Variants in CCDC91 observed in about 807,000 individuals in gnomAD.
CCDC91 encodes the protein coiled-coil domain-containing protein 91.
Under a neutral mutation model 63.2 loss-of-function variants are expected in CCDC91, and 48 were observed. That is an observed-to-expected ratio of 0.76 (90% CI 0.60 to 0.97). The LOEUF (loss-of-function observed/expected upper bound fraction) is 0.97, where lower values mean the gene tolerates loss of function less well. Ranked by LOEUF, CCDC91 falls within the 50% of genes least tolerant of loss-of-function variation. The pLI, the probability that CCDC91 is intolerant of heterozygous loss-of-function variation, is 0.00. For synonymous variants in CCDC91, 167 were observed against 165.8 expected, an observed-to-expected ratio of 1.01 and a Z score of -0.06; for missense variants, 500 against 494.6, an observed-to-expected ratio of 1.01 and a Z score of -0.10.
intron 7 of CCDC91, among the ~76,000 whole-genome samples, chr12:28,386,703 G>C (rs1217572384): frequency 7.2e-5 from 11 of 152,156 alleles, no homozygotes; most frequent in Admixed American, 7.2e-4. Flanking sequence ...TTTTCCTCAA[G>C]TTTAGTGAAT....
chr12:28,520,118 T>C (rs193119910), intron 12 of CCDC91, among the ~76,000 whole-genome samples: 1 of 151,638 alleles, frequency 6.6e-6, no homozygotes, highest in Non-Finnish European at 1.5e-5. Context: ...AAATGGTATT[T>C]AGTTCTAGAT....
intron 8 of CCDC91, among the ~76,000 whole-genome samples, chr12:28,419,947 G>A (rs1258546777): frequency 6.6e-6 from 1 of 151,790 alleles, no homozygotes; most frequent in African/African-American, 2.4e-5. Context: ...TGTAGCTATG[G>A]GTTCCTACTG....
At chr12:28,286,194 A>G (rs921197120) in intron 3 of CCDC91, among the ~76,000 whole-genome samples, 1 of 152,102 alleles carries the variant, frequency 6.6e-6, no homozygotes, top group Non-Finnish European at 1.5e-5. Context: ...CTTCATAGAC[A>G]TTAAAATAAA....
intron 7 of CCDC91, among the ~76,000 whole-genome samples, chr12:28,382,522 CTCT>C (rs1220891952): frequency 2.0e-5 from 3 of 152,010 alleles, no homozygotes; most frequent in East Asian, 1.9e-4. Flanking sequence ...AGAGAAGAAA[CTCT>C]TCTTCTCCTC....
chr12:28,449,393 A>G (rs1015347699), intron 8 of CCDC91, among the ~76,000 whole-genome samples: 3 of 152,070 alleles, frequency 2.0e-5, no homozygotes, highest in Non-Finnish European at 4.4e-5. Flanking sequence ...GTAGCAATAC[A>G]TATTTTTTAG....
intron 12 of CCDC91, among the ~76,000 whole-genome samples, chr12:28,487,499 A>G (rs750869154): frequency 9.9e-5 from 15 of 151,896 alleles, no homozygotes; most frequent in Non-Finnish European, 2.1e-4. Flanking sequence ...AGGAAAAACA[A>G]AAGTTTTTTA....
rs148910206 is a variant in CCDC91, at chr12:28,334,040, A to ATGTG, written c.576+26309_576+26312dup. Reference sequence around the variant, plus strand: ...ATTGAAACGACTTCTGGCAGAATTTATGTGTGTGTGTGTGTGTGTGTATGT... The same window carrying ATGTG: ...ATTGAAACGACTTCTGGCAGAATTTATGTGTGTGTGTGTGTGTGTGTGTGTATGT... On this transcript the variant is annotated intron_variant, in intron 6 of 12. Coordinates refer to ENST00000536442, the MANE Select transcript of CCDC91 (RefSeq NM_018318.5). 1.8e-4 allele frequency among the ~76,000 whole-genome samples: 27 copies of ATGTG among 148,518 alleles called. No homozygotes were observed. The South Asian group carries it at 2.6e-3, about 14-fold the overall frequency.
chr12:28,206,429 T>C (rs1310822551), intron 1 of CCDC91, among the ~76,000 whole-genome samples: 1 of 152,198 alleles, frequency 6.6e-6, no homozygotes, highest in Non-Finnish European at 1.5e-5. Flanking sequence ...ATTCTAGAGA[T>C]GGCTGCATGC....
intron 12 of CCDC91, among the ~76,000 whole-genome samples, chr12:28,536,616 A>T (rs1230382983): frequency 1.3e-5 from 2 of 152,196 alleles, no homozygotes; most frequent in African/African-American, 4.8e-5. Context: ...TGGAGATAAA[A>T]TACTGCCTAC....
intron 1 of CCDC91, among the ~76,000 whole-genome samples, chr12:28,241,162 A>C (rs1945307878): frequency 6.6e-6 from 1 of 151,946 alleles, no homozygotes; most frequent in African/African-American, 2.4e-5. Flanking sequence ...ACATCTTTTT[A>C]TTTGCTTAGT....
At chr12:28,510,470 G>A (rs1421196337) in intron 12 of CCDC91, among the ~76,000 whole-genome samples, 2 of 151,888 alleles carry the variant, frequency 1.3e-5, no homozygotes, top group African/African-American at 4.8e-5. Flanking sequence ...CCTAAGACCA[G>A]AAAAGATCAG....
At chr12:28,468,978 A>G (rs1950675420) in intron 11 of CCDC91, among the ~76,000 whole-genome samples, 1 of 152,056 alleles carries the variant, frequency 6.6e-6, no homozygotes, top group Non-Finnish European at 1.5e-5. Context: ...CTCAGTGGGT[A>G]TCATACTGAA....
At chr12:28,264,302 G>A (rs759190281) in intron 3 of CCDC91, among the ~76,000 whole-genome samples, 4 of 150,770 alleles carry the variant, frequency 2.7e-5, no homozygotes, top group Non-Finnish European at 4.4e-5. Context: ...CAACTTTGCA[G>A]AGCATCTAAC....
At chr12:28,293,546 T>A (rs989501364) in intron 3 of CCDC91, among the ~76,000 whole-genome samples, 2 of 152,210 alleles carry the variant, frequency 1.3e-5, no homozygotes, top group Non-Finnish European at 2.9e-5. Context: ...GTATATATGC[T>A]AGCTAGTCAT....
intron 1 of CCDC91, among the ~76,000 whole-genome samples, chr12:28,194,695 C>A (rs1411126245): frequency 1.3e-5 from 2 of 151,892 alleles, no homozygotes; most frequent in African/African-American, 4.8e-5. Flanking sequence ...AGCTGCAGAC[C>A]TTTGCGGTGA....
rs1949123488 is a variant in CCDC91 at position 28,289,766 on chromosome 12, A to G, written c.110-15883A>G. 2.2e-5 allele frequency among the ~76,000 whole-genome samples: 3 copies of G among 138,284 alleles called. No individual in the cohort carries two copies. In the South Asian group the frequency reaches 6.7e-4, roughly 31 times the overall value. The allele number at this position is 138,284 out of a possible 152,430, so 90.7% of individuals were successfully genotyped here. A position where few individuals can be genotyped will look rare whatever the true frequency, so the allele number is the denominator to read the frequency against. On this transcript the variant is annotated intron_variant, in intron 3 of 12. Transcript: ENST00000536442. ...GAGTGCAGTGGCGCGATCTCGGCTC[A>G]CTGCAAGCTCCGCCTCCCAAGTTCA...
chr12:28,191,007 C>T (rs1008055535), intron 1 of CCDC91, among the ~76,000 whole-genome samples: 1 of 152,250 alleles, frequency 6.6e-6, no homozygotes, highest in Non-Finnish European at 1.5e-5. Context: ...TTACACAGAA[C>T]GCGCCTGGTT....
Position 28,485,456 on chromosome 12 carries a change from G to A in CCDC91, c.1215+1291G>A, listed in dbSNP as rs1370329426. Among the ~76,000 whole-genome samples the A allele has an allele frequency of 3.9e-5, 6 of 151,996 alleles. No individual in the cohort carries two copies. The South Asian group carries it at 6.2e-4, about 16-fold the overall frequency. ...GCCAGGAATACAGGCATGAGCCACCGTGCCCAGCCATCCAGTGCTGTTAAC... is the reference window on the plus strand; with the variant it reads ...GCCAGGAATACAGGCATGAGCCACCATGCCCAGCCATCCAGTGCTGTTAAC... On this transcript the variant is annotated intron_variant, in intron 12 of 12. Transcript: ENST00000536442.
intron 1 of CCDC91, among the ~76,000 whole-genome samples, chr12:28,207,255 A>G (rs1301460640): frequency 6.6e-6 from 1 of 152,168 alleles, no homozygotes; most frequent in Non-Finnish European, 1.5e-5. Context: ...TCTTCTGGGG[A>G]GAAACTTCTC....
Sources: gnomAD v4.1 joint callset for allele counts (sites outside exome capture counted in the v4.1 genomes callset) on GRCh38, gnomAD v4.1.1 for gene constraint, MANE v1.5 for transcripts, NCBI Gene and HGNC (gene_info 2026-07-23, HGNC 2026-07-21) for gene names.